Variants in AGBL1 observed in about 807,000 individuals in gnomAD.
The protein encoded by AGBL1 is cytosolic carboxypeptidase 4.
A neutral mutation model predicts 118.9 loss-of-function variants in AGBL1; 130 were observed. The observed-to-expected ratio is 1.09, with a 90% CI of 0.95 to 1.26. The LOEUF (loss-of-function observed/expected upper bound fraction) is 1.26, where lower values mean the gene tolerates loss of function less well. AGBL1 is among the 50% of genes most tolerant of loss of function. The pLI is 0.00. For synonymous variants in AGBL1, 555 were observed against 478.9 expected (o/e 1.16, Z -2.08); for missense variants, 1,584 against 1,298.1 (o/e 1.22, Z -3.38).
At chr15:86,315,936 T>A (rs187338340) in intron 17 of AGBL1, among the ~76,000 whole-genome samples, 42 of 152,308 alleles carry the variant, frequency 2.8e-4, no homozygotes, top group Non-Finnish European at 5.4e-4. Context: ...TTACAAAACA[T>A]CCTGCTTCAG....
chr15:86,771,822 C>G (rs1277141648), intron 22 of AGBL1, among the ~76,000 whole-genome samples: 1 of 151,996 alleles, frequency 6.6e-6, no homozygotes, highest in African/African-American at 2.4e-5. Context: ...CTGCTGGAAG[C>G]CATGTTTTAT....
At chr15:86,491,035 A>AT (rs1202988193) in intron 18 of AGBL1, among the ~76,000 whole-genome samples, 8 of 152,132 alleles carry the variant, frequency 5.3e-5, no homozygotes, top group African/African-American at 1.9e-4. Context: ...GTTATACAAA[A>AT]ATATATTTAT....
chr15:86,346,613 T>G (rs895445519), intron 17 of AGBL1, among the ~76,000 whole-genome samples: 2 of 152,130 alleles, frequency 1.3e-5, no homozygotes, highest in African/African-American at 4.8e-5. Context: ...CCTCCCAAAG[T>G]GCTGGGATTA....
At chr15:86,113,223 TTTTC>T (rs1897514546) in intron 1 of AGBL1, among the ~76,000 whole-genome samples, 1 of 67,424 alleles carries the variant, frequency 1.5e-5, no homozygotes, top group Non-Finnish European at 2.7e-5. Flanking sequence ...TTTTCTTTTC[TTTTC>T]TTTTCTTTTC....
intron 22 of AGBL1, among the ~76,000 whole-genome samples, chr15:86,886,411 G>C (rs1406322733): frequency 1.3e-5 from 2 of 152,172 alleles, no homozygotes; most frequent in African/African-American, 4.8e-5. Context: ...TCTGTGTATG[G>C]TGTAATGAAA....
chr15:86,779,773 T>A (rs2078306314), intron 22 of AGBL1, among the ~76,000 whole-genome samples: 2 of 152,192 alleles, frequency 1.3e-5, no homozygotes, highest in African/African-American at 4.8e-5. Context: ...AGATGACTAA[T>A]AAAATAGAGT....
chr15:86,537,659 T>C (rs7495075), intron 19 of AGBL1, among the ~76,000 whole-genome samples: 16,177 of 152,228 alleles, frequency 0.11, 1,293 homozygotes, highest in African/African-American at 0.22. Context: ...CCATCAAATG[T>C]TTTAAAATGT....
At chr15:86,266,190 A>G (rs1351643195) in intron 11 of AGBL1, among the ~76,000 whole-genome samples, 184 bp from the exon 12 acceptor site, 1 of 152,164 alleles carries the variant, frequency 6.6e-6, no homozygotes. Context: ...TTTTTGATAG[A>G]GGCAGAGAAA....
At chr15:86,453,764 T>C (rs186137608) in intron 18 of AGBL1, among the ~76,000 whole-genome samples, 225 of 152,318 alleles carry the variant, frequency 1.5e-3, no homozygotes, top group Non-Finnish European at 5.4e-4. Context: ...CCTGGATGTT[T>C]GAGTAAAACT....
At chr15:86,201,102 T>G (rs1185606803) in intron 5 of AGBL1, among the ~76,000 whole-genome samples, 1 of 152,162 alleles carries the variant, frequency 6.6e-6, no homozygotes. Flanking sequence ...TAATTATATA[T>G]GATAAATAGT....
At chr15:86,724,192 C>T (rs966182956) in intron 22 of AGBL1, among the ~76,000 whole-genome samples, 9 of 142,342 alleles carry the variant, frequency 6.3e-5, no homozygotes, top group African/African-American at 1.1e-4. Flanking sequence ...GCTGCGATAG[C>T]GCCACTGCGC....
intron 22 of AGBL1, among the ~76,000 whole-genome samples, chr15:86,837,768 G>A (rs1567199869): frequency 6.6e-6 from 1 of 152,214 alleles, no homozygotes; most frequent in African/African-American, 2.4e-5. Context: ...TTTTGGATTA[G>A]AGCGTGAGAG....
chr15:86,194,636 T>C (rs2077772226), intron 5 of AGBL1, among the ~76,000 whole-genome samples: 1 of 152,184 alleles, frequency 6.6e-6, no homozygotes, highest in South Asian at 2.1e-4. Flanking sequence ...TACGATAACC[T>C]GGGTGATAGC....
chr15:86,768,750 C>T (rs1017648556), intron 22 of AGBL1, among the ~76,000 whole-genome samples: 3 of 151,828 alleles, frequency 2.0e-5, no homozygotes, highest in Non-Finnish European at 4.4e-5. Context: ...CATGTATAGT[C>T]GTTTATTGTT....
At chr15:86,625,587 CAG>C (rs2084875229) in intron 21 of AGBL1, among the ~76,000 whole-genome samples, 1 of 151,722 alleles carries the variant, frequency 6.6e-6, no homozygotes, top group South Asian at 2.1e-4. Context: ...ATGAAAGACA[CAG>C]AGAATATATT....
chr15:86,378,188 A>G (rs1441147191), intron 17 of AGBL1, among the ~76,000 whole-genome samples: 1 of 152,152 alleles, frequency 6.6e-6, no homozygotes, highest in East Asian at 1.9e-4. Flanking sequence ...TCAGAGTTTA[A>G]AATGCAGTAT....
intron 5 of AGBL1, among the ~76,000 whole-genome samples, chr15:86,182,188 A>T (rs2077561974): frequency 6.6e-6 from 1 of 151,998 alleles, no homozygotes; most frequent in Non-Finnish European, 1.5e-5. Context: ...ATGGGAGAGA[A>T]AGGCATAAAC....
At chr15:86,239,914 A>T (rs553843840) in intron 6 of AGBL1, among the ~76,000 whole-genome samples, 46 of 152,358 alleles carry the variant, frequency 3.0e-4, no homozygotes, top group African/African-American at 1.1e-3. Flanking sequence ...CGATTTGTTC[A>T]TTCCCCAAGG....
At chr15:86,943,546 C>T (rs1032587896) in intron 23 of AGBL1, among the ~76,000 whole-genome samples, 2 of 152,118 alleles carry the variant, frequency 1.3e-5, no homozygotes, top group African/African-American at 4.8e-5. Context: ...GGACCAGGTG[C>T]GCCATTCACA....
Sources: gnomAD v4.1 joint callset for allele counts (sites outside exome capture counted in the v4.1 genomes callset) on GRCh38, gnomAD v4.1.1 for gene constraint, MANE v1.5 for transcripts, NCBI Gene and HGNC (gene_info 2026-07-23, HGNC 2026-07-21) for gene names.